IL1RAPL2: variants seen among roughly 807,000 people sequenced by gnomAD.
IL1RAPL2 encodes interleukin 1 receptor accessory protein like 2, also known as X-linked interleukin-1 receptor accessory protein-like 2.
In IL1RAPL2, 3 loss-of-function variants were observed where a neutral mutation model predicts 44.1. The observed-to-expected ratio is 0.07, with a 90% CI of 0.03 to 0.18. The LOEUF (loss-of-function observed/expected upper bound fraction) is 0.18, where lower values mean the gene tolerates loss of function less well. Ranked by LOEUF, IL1RAPL2 falls within the 10% of genes least tolerant of loss-of-function variation. IL1RAPL2 has a pLI of 1.00. For synonymous variants in IL1RAPL2, 181 were observed against 178.8 expected, an observed-to-expected ratio of 1.01 and a Z score of -0.10; for missense variants, 391 against 496.4, an observed-to-expected ratio of 0.79 and a Z score of 2.02.
At chrX:105,460,082 A>G (rs999534364) in intron 5 of IL1RAPL2, among the ~76,000 whole-genome samples, 2 of 111,161 alleles carry the variant, frequency 1.8e-5, no homozygotes, top group African/African-American at 6.5e-5. Flanking sequence ...CTATCTTGAC[A>G]AAATTGTGAA....
intron 2 of IL1RAPL2, among the ~76,000 whole-genome samples, chrX:104,875,687 T>C (rs956637640): frequency 1.8e-5 from 2 of 111,941 alleles, no homozygotes; most frequent in Admixed American, 1.9e-4. Context: ...AAAGATCAAC[T>C]TCTCAGAGAC....
At chrX:105,599,854 TA>T (rs994028270) in intron 6 of IL1RAPL2, among the ~76,000 whole-genome samples, 1 of 109,624 alleles carries the variant, frequency 9.1e-6, no homozygotes, top group Non-Finnish European at 1.9e-5. Flanking sequence ...TTAGTCTTGG[TA>T]AAAAAAAATC....
intron 2 of IL1RAPL2, among the ~76,000 whole-genome samples, chrX:104,991,562 C>T (rs2030663129): frequency 8.9e-6 from 1 of 111,849 alleles, no homozygotes; most frequent in Admixed American, 9.5e-5. Flanking sequence ...AGTGTTCACA[C>T]TGTGTTCACA....
At chrX:105,733,981 T>C (rs2038426219) in intron 7 of IL1RAPL2, among the ~76,000 whole-genome samples, 4 of 111,766 alleles carry the variant, frequency 3.6e-5, no homozygotes, top group Admixed American at 1.9e-4. Context: ...ATTTTATGTT[T>C]ATCTGACTAA....
At chrX:105,078,729 A>AC (rs2032352777) in intron 2 of IL1RAPL2, among the ~76,000 whole-genome samples, 1 of 290 alleles carries the variant, frequency 3.4e-3, no homozygotes, top group East Asian at 0.053. Flanking sequence ...AGCCTGAGCA[A>AC]TGCGGTCGCC....
At chrX:105,323,723 A>G (rs1370126382) in intron 5 of IL1RAPL2, among the ~76,000 whole-genome samples, 1 of 111,097 alleles carries the variant, frequency 9.0e-6, no homozygotes, top group African/African-American at 3.3e-5. Context: ...TAAAAATACA[A>G]AAATTAGCTG....
At chrX:105,467,500 C>T (rs2036138216) in intron 5 of IL1RAPL2, among the ~76,000 whole-genome samples, 1 of 111,696 alleles carries the variant, frequency 9.0e-6, no homozygotes, top group Admixed American at 9.5e-5. Context: ...GATTCTACTA[C>T]ATATAACAGA....
At chrX:105,702,568 C>A (rs1242242608) in intron 6 of IL1RAPL2, among the ~76,000 whole-genome samples, 1 of 111,799 alleles carries the variant, frequency 8.9e-6, no homozygotes, top group Admixed American at 9.5e-5. Context: ...CACTTTTATT[C>A]ATAAAATTTT....
chrX:105,386,233 A>G (rs1425555228), intron 5 of IL1RAPL2, among the ~76,000 whole-genome samples: 3 of 112,135 alleles, frequency 2.7e-5, no homozygotes, highest in Non-Finnish European at 5.6e-5. Context: ...CAAACTTACA[A>G]ATGAAATATA....
chrX:104,605,362 A>G (rs759574827), intron 1 of IL1RAPL2, among the ~76,000 whole-genome samples: 1 of 112,087 alleles, frequency 8.9e-6, no homozygotes, highest in African/African-American at 3.2e-5. Flanking sequence ...CACAAGAGAA[A>G]TCAGGAAAGA....
chrX:104,713,693 C>A (rs956862447), intron 2 of IL1RAPL2, among the ~76,000 whole-genome samples: 1 of 110,964 alleles, frequency 9.0e-6, no homozygotes, highest in Non-Finnish European at 1.9e-5. Flanking sequence ...TCAACACTCA[C>A]ATTTCAGTGG....
chrX:105,256,880 G>T (rs2034320029), intron 4 of IL1RAPL2, among the ~76,000 whole-genome samples: 1 of 110,979 alleles, frequency 9.0e-6, no homozygotes, highest in African/African-American at 3.3e-5. Context: ...TAGCTAGTGG[G>T]CTATCTATCT....
intron 1 of IL1RAPL2, among the ~76,000 whole-genome samples, chrX:104,582,864 CTTTCT>C (rs2147993088): frequency 1.4e-5 from 1 of 72,588 alleles, no homozygotes; most frequent in Admixed American, 1.8e-4. Context: ...TTCTTTCTTT[CTTTCT>C]TTTTCTTTTC....
intron 1 of IL1RAPL2, among the ~76,000 whole-genome samples, chrX:104,622,088 T>A (rs771682096): frequency 3.3e-4 from 36 of 109,917 alleles, no homozygotes; most frequent in Admixed American, 4.9e-4. Context: ...ACAATTGTTA[T>A]CTTCTGCTTG....
chrX:104,759,757 T>C lies in IL1RAPL2; in HGVS notation c.82+100762T>C, dbSNP rs185529998. On this transcript the variant is annotated intron_variant, in intron 2 of 10. Coordinates refer to ENST00000372582, the MANE Select transcript of IL1RAPL2 (RefSeq NM_017416.2). ...CATGCAGTGTGAAATACTCAACTCATGGAAAATGGGGTATCCATCCTGCCA... is the reference window on the plus strand; with the variant it reads ...CATGCAGTGTGAAATACTCAACTCACGGAAAATGGGGTATCCATCCTGCCA... Among the ~76,000 whole-genome samples, 781 of 111,795 alleles carry C rather than the reference T, an allele frequency of 7.0e-3. 6 individuals carry two copies. The highest frequency in any genetic ancestry group is 0.011 in the Non-Finnish European group (603 of 53,047).
At chrX:105,334,936 G>A (rs2035016471) in intron 5 of IL1RAPL2, among the ~76,000 whole-genome samples, 1 of 111,211 alleles carries the variant, frequency 9.0e-6, no homozygotes, top group Admixed American at 9.6e-5. Flanking sequence ...ATTTTATATA[G>A]AGGTTTTTTT....
intron 2 of IL1RAPL2, among the ~76,000 whole-genome samples, chrX:105,033,846 C>T (rs1449777059): frequency 8.9e-6 from 1 of 112,163 alleles, no homozygotes; most frequent in African/African-American, 3.2e-5. Flanking sequence ...TTCTCCCCAT[C>T]ACTTTCAGGT....
chrX:105,024,112 C>A (rs1870752081), intron 2 of IL1RAPL2, among the ~76,000 whole-genome samples: 1 of 111,402 alleles, frequency 9.0e-6, no homozygotes, highest in African/African-American at 3.2e-5. Context: ...AAATATGATT[C>A]AAAAGATAGA....
chrX:105,229,064 A>T (rs1401798391), intron 3 of IL1RAPL2, among the ~76,000 whole-genome samples: 1 of 111,956 alleles, frequency 8.9e-6, no homozygotes, highest in Middle Eastern at 4.2e-3. Flanking sequence ...GATGTGAAGT[A>T]GGGAGAGAAA....
Sources: gnomAD v4.1 joint callset for allele counts (sites outside exome capture counted in the v4.1 genomes callset) on GRCh38, gnomAD v4.1.1 for gene constraint, MANE v1.5 for transcripts, NCBI Gene and HGNC (gene_info 2026-07-23, HGNC 2026-07-21) for gene names.